STAMBP: variants seen among roughly 807,000 people sequenced by gnomAD.
The protein encoded by STAMBP is STAM-binding protein.
In STAMBP, 31 loss-of-function variants were observed where a neutral mutation model predicts 50.7. That is an observed-to-expected ratio of 0.61 (90% CI 0.46 to 0.83). The LOEUF is 0.83. Among genes scored for constraint, STAMBP ranks in the 40% least tolerant of loss-of-function variants. The probability of loss-of-function intolerance (pLI) is 0.00; values close to 1 mark genes in which losing one functional copy is unlikely to be tolerated. For synonymous variants in STAMBP, 211 were observed against 192.4 expected, an observed-to-expected ratio of 1.10 and a Z score of -0.80; for missense variants, 472 against 518.9, an observed-to-expected ratio of 0.91 and a Z score of 0.88.
At chr2:73,845,097 C>T in intron 3 of STAMBP, 70 bp from the exon 4 acceptor site, 1 of 1,590,906 alleles carries the variant, frequency 6.3e-7, no homozygotes, top group Non-Finnish European at 8.6e-7. Flanking sequence ...ACCAACTTGA[C>T]TTAAGTCTTC....
At chr2:73,849,202 A>G (rs1676493977) in intron 5 of STAMBP, among the ~76,000 whole-genome samples, 161 bp from the exon 6 acceptor site, 1 of 152,214 alleles carries the variant, frequency 6.6e-6, no homozygotes, top group East Asian at 1.9e-4. Flanking sequence ...GACACTTTAC[A>G]GCCCTTTTTT....
chr2:73,843,358 C>A (rs1226923696), intron 2 of STAMBP, among the ~76,000 whole-genome samples: 2 of 147,170 alleles, frequency 1.4e-5, no homozygotes, highest in African/African-American at 5.1e-5. Context: ...CCACCACACC[C>A]AGCTAATTTT....
intron 2 of STAMBP, among the ~76,000 whole-genome samples, chr2:73,836,091 A>G (rs1674679947): frequency 6.6e-6 from 1 of 152,032 alleles, no homozygotes; most frequent in African/African-American, 2.4e-5. Context: ...AGAGATTTTT[A>G]TATATGTATA....
intron 7 of STAMBP, among the ~76,000 whole-genome samples, chr2:73,852,238 T>G (rs1483139023): frequency 6.6e-6 from 1 of 151,904 alleles, no homozygotes; most frequent in Non-Finnish European, 1.5e-5. Context: ...ATTTGGGAAA[T>G]GAGTAATAGA....
chr2:73,853,327 T>G lies in STAMBP; in HGVS notation c.1005+2814T>G, dbSNP rs574409111. Among the ~76,000 whole-genome samples, 5 of 152,260 alleles carry G rather than the reference T, an allele frequency of 3.3e-5. No homozygotes were observed. The South Asian group carries it at 1.0e-3, about 32-fold the overall frequency. ...ATGGAATGGTGGTTTAAGGAGAAGT[T>G]GGGTTGAGAGAATGTTTGGTTGATT... On this transcript the variant is annotated intron_variant, in intron 7 of 9. Transcript: ENST00000394070.
At chr2:73,846,148 T>C (rs1676024696) in intron 4 of STAMBP, among the ~76,000 whole-genome samples, 1 of 152,058 alleles carries the variant, frequency 6.6e-6, no homozygotes, top group African/African-American at 2.4e-5. Context: ...ACCAAGTGAG[T>C]GTAAGCTTTA....
chr2:73,849,655 T>C (rs1676561220), intron 6 of STAMBP, among the ~76,000 whole-genome samples, 168 bp downstream of exon 6: 1 of 152,148 alleles, frequency 6.6e-6, no homozygotes, highest in South Asian at 2.1e-4. Flanking sequence ...CCTGTATTGA[T>C]TGATTGAATT....
At position 73,850,142 on chromosome 2, in the gene STAMBP, G is replaced by T. The variant is rs889166730; in HGVS notation, c.868-234G>T. ...AGCAGGAAATTCCCTCAGGGCTGTG[G>T]TGTTTGCCCAGGCTGCAGAGTTCTG... is the stretch of plus-strand genomic sequence containing the variant. On this transcript the variant is annotated intron_variant, in intron 6 of 9. Coordinates refer to ENST00000394070, the MANE Select transcript of STAMBP (RefSeq NM_213622.4). The surrounding 1 kb of genome is among the most constrained non-coding windows in gnomAD (Gnocchi z 4.3). 2.0e-5 allele frequency among the ~76,000 whole-genome samples: 3 copies of T among 152,214 alleles called. No homozygotes were observed. The highest frequency in any genetic ancestry group is 2.9e-5 in the Non-Finnish European group (2 of 68,034).
In STAMBP at chr2:73,835,215, G is replaced by A. The variant is rs1004930582; in HGVS notation, c.203+4156G>A. On this transcript the variant is annotated intron_variant, in intron 2 of 9. Coordinates refer to ENST00000394070, the MANE Select transcript of STAMBP (RefSeq NM_213622.4). ...CTAAAAATACAAAACTTAGCCGGGC[G>A]TGGTGGCCCACGTCTACAATCCCAG... Among the ~76,000 whole-genome samples, 8 of 152,114 alleles carry A rather than the reference G, an allele frequency of 5.3e-5. No individual in the cohort carries two copies. The South Asian group carries it at 6.2e-4, about 12-fold the overall frequency.
At chr2:73,836,822 A>G (rs1209472029) in intron 2 of STAMBP, among the ~76,000 whole-genome samples, 1 of 152,146 alleles carries the variant, frequency 6.6e-6, no homozygotes, top group Admixed American at 6.5e-5. Context: ...AGGGGCTGCC[A>G]TCTCCACTTC....
intron 2 of STAMBP, among the ~76,000 whole-genome samples, chr2:73,835,775 A>G (rs78398805): frequency 0.036 from 5,435 of 152,224 alleles, 123 homozygotes; most frequent in Non-Finnish European, 0.056. Flanking sequence ...AGGGCTGGGT[A>G]GCGGGGGAAT....
chr2:73,849,297 G>T, intron 5 of STAMBP, 66 bp from the exon 6 acceptor site: 6 of 1,609,638 alleles, frequency 3.7e-6, no homozygotes, highest in Middle Eastern at 2.2e-4. Flanking sequence ...AGGGCTGCTG[G>T]CTGTGAGGTC....
Position 73,849,377 on chromosome 2 carries a change from G to A in STAMBP, c.757G>A (p.Gly253Arg). The change falls in exon 6 of 10, where the codon GGA becomes AGA. Residue 253 changes from glycine (G) to arginine (R), a missense_variant. Physicochemically the swap from Gly to Arg is moderately radical, Grantham distance 125. Transcript: ENST00000394070. The stretch of plus-strand genomic sequence containing the variant: ...CTCCTTTACAGTTCCCACAATCGAT[G>A]GATTGCGCCATGTGGTGGTGCCTGG... ...SNSESIPTID[G>R]LRHVVVPGRL... is the part of the protein sequence containing the mutation. 1.2e-6 allele frequency: 2 copies of A among 1,614,036 alleles called. No individual in the cohort carries two copies. Among genetic ancestry groups the A allele is most frequent in the Non-Finnish European group, 8.5e-7 (1 of 1,180,004 alleles).
At chr2:73,833,716 A>G (rs928588889) in intron 2 of STAMBP, among the ~76,000 whole-genome samples, 1 of 152,184 alleles carries the variant, frequency 6.6e-6, no homozygotes, top group African/African-American at 2.4e-5. Flanking sequence ...CAAAGACCAT[A>G]TTCATTCAAC....
intron 2 of STAMBP, 87 bp from the exon 3 acceptor site, chr2:73,844,726 G>A: frequency 1.8e-6 from 2 of 1,099,704 alleles, no homozygotes; most frequent in Non-Finnish European, 2.7e-6. Flanking sequence ...TCATATAAGG[G>A]CTTCAGGATA....
At position 73,863,792 on chromosome 2, in the gene STAMBP, T is replaced by G. The variant is rs1573417155; in HGVS notation, c.*1533T>G. Reference sequence around the variant, plus strand: ...TCCCATTCTTTGTCTACCACTTAGCTTAGGGCTTTCTTACCTTTTATTTCG... The same window carrying G: ...TCCCATTCTTTGTCTACCACTTAGCGTAGGGCTTTCTTACCTTTTATTTCG... On this transcript the variant is annotated 3_prime_UTR_variant, in exon 10 of 10. Coordinates refer to ENST00000394070, the MANE Select transcript of STAMBP (RefSeq NM_213622.4). The G allele has an allele frequency of 6.6e-6, 1 of 152,330 alleles. No homozygotes were observed. Among genetic ancestry groups the G allele is most frequent in the African/African-American group, 2.4e-5 (1 of 41,466 alleles). 9.4% of individuals were successfully genotyped at this position (152,330 alleles called of 1,614,324 possible).
chr2:73,831,279 C>A (rs1010372126), intron 2 of STAMBP, among the ~76,000 whole-genome samples: 4 of 152,202 alleles, frequency 2.6e-5, no homozygotes, highest in African/African-American at 9.7e-5. Flanking sequence ...AGTTCTTTGG[C>A]CTATGCCCAC....
chr2:73,853,911 T>G (rs1343958334), intron 7 of STAMBP, among the ~76,000 whole-genome samples: 1 of 152,232 alleles, frequency 6.6e-6, no homozygotes, highest in Admixed American at 6.5e-5. Flanking sequence ...ATAGTTTACT[T>G]TTGCCTGGCT....
chr2:73,842,070 T>A (rs1258424322), intron 2 of STAMBP, among the ~76,000 whole-genome samples: 1 of 152,248 alleles, frequency 6.6e-6, no homozygotes, highest in African/African-American at 2.4e-5. Context: ...CCTACTCTTA[T>A]CTGTTCTATT....
Sources: gnomAD v4.1 joint callset for allele counts (sites outside exome capture counted in the v4.1 genomes callset) on GRCh38, gnomAD v4.1.1 for gene constraint, Gnocchi (gnomAD v3.1) non-coding constraint, MANE v1.5 for transcripts, NCBI Gene and HGNC (gene_info 2026-07-23, HGNC 2026-07-21) for gene names.